The following SRD5A2 variants were observed in gnomAD, a reference collection of about 807,000 sequenced individuals.
SRD5A2 encodes the protein steroid 5 alpha-reductase 2.
Under a neutral mutation model 27.4 loss-of-function variants are expected in SRD5A2, and 30 were observed. The observed-to-expected ratio is 1.10, with a 90% CI of 0.82 to 1.49. The LOEUF is 1.49. SRD5A2 is among the 40% of genes most tolerant of loss of function. The probability of loss-of-function intolerance (pLI) is 0.00; values close to 1 mark genes in which losing one functional copy is unlikely to be tolerated. For synonymous variants in SRD5A2, 141 were observed against 133.6 expected (o/e 1.06, Z -0.38); for missense variants, 348 against 323.4 (o/e 1.08, Z -0.58).
intron 1 of SRD5A2, among the ~76,000 whole-genome samples, chr2:31,568,451 T>C (rs959716709): frequency 6.6e-6 from 1 of 152,144 alleles, no homozygotes; most frequent in African/African-American, 2.4e-5. Context: ...GGCAGTTCCT[T>C]CCCACAGCTG....
chr2:31,577,865 T>A (rs1177888989), intron 1 of SRD5A2, among the ~76,000 whole-genome samples: 1 of 152,162 alleles, frequency 6.6e-6, no homozygotes, highest in Non-Finnish European at 1.5e-5. Flanking sequence ...AGAAAATAGA[T>A]CTAACCTTTG....
At chr2:31,546,063 T>C (rs1666246691) in intron 1 of SRD5A2, among the ~76,000 whole-genome samples, 1 of 152,086 alleles carries the variant, frequency 6.6e-6, no homozygotes, top group Non-Finnish European at 1.5e-5. Flanking sequence ...TAAAGAAGAA[T>C]ATAAAAATGG....
chr2:31,567,456 G>GTGTGTGTA (rs143408801), intron 1 of SRD5A2, among the ~76,000 whole-genome samples: 309 of 140,292 alleles, frequency 2.2e-3, no homozygotes, highest in Admixed American at 4.1e-3. Flanking sequence ...GTGTGTGTGT[G>GTGTGTGTA]TATATATATA....
At chr2:31,608,778 A>G in the SRD5A2 span, among the ~76,000 whole-genome samples, 1 of 152,058 alleles carries the variant, frequency 6.6e-6, no homozygotes, top group Non-Finnish European at 1.5e-5. Context: ...GAAAACTTAA[A>G]TAAGTGAAAA....
At chr2:31,543,360 T>C (rs1003480222) in intron 1 of SRD5A2, among the ~76,000 whole-genome samples, 6 of 152,168 alleles carry the variant, frequency 3.9e-5, no homozygotes, top group Non-Finnish European at 8.8e-5. Flanking sequence ...TATAAAGAAA[T>C]AAAAATATCA....
Position 31,522,961 on chromosome 2 carries a change from C to A in SRD5A2, c.*3235G>T, listed in dbSNP as rs949437158. On this transcript the variant is annotated 3_prime_UTR_variant, in exon 5 of 5. Coordinates refer to ENST00000622030, the MANE Select transcript of SRD5A2 (RefSeq NM_000348.4). ...CACAAAAATCCAAGAGAGCTATTAT[C>A]AAACTTCAGGGTTGTAAAACCACGG... 2 of 221,316 alleles carry A rather than the reference C, an allele frequency of 9.0e-6. No homozygotes were observed. The highest frequency in any genetic ancestry group is 9.0e-6 in the Non-Finnish European group (1 of 110,714). The allele number at this position is 221,316 out of a possible 1,614,324, so 13.7% of individuals were successfully genotyped here. A position where few individuals can be genotyped will look rare whatever the true frequency, so the allele number is the denominator to read the frequency against.
At chr2:31,608,223 GAGAT>G in the SRD5A2 span, among the ~76,000 whole-genome samples, 1 of 151,850 alleles carries the variant, frequency 6.6e-6, no homozygotes, top group African/African-American at 2.4e-5. Context: ...TATATCATAA[GAGAT>G]AGAGAGATGA....
At position 31,525,525 on chromosome 2, in the gene SRD5A2, T is replaced by C. The variant is rs1665758239; in HGVS notation, c.*671A>G. 4.4e-6 allele frequency: 1 copy of C among 225,004 alleles called. No homozygotes were observed. Among genetic ancestry groups the C allele is most frequent in the Non-Finnish European group, 8.9e-6 (1 of 112,936 alleles). The allele number at this position is 225,004 out of a possible 1,614,324, so 13.9% of individuals were successfully genotyped here. A position where few individuals can be genotyped will look rare whatever the true frequency, so the allele number is the denominator to read the frequency against. The stretch of plus-strand genomic sequence containing the variant: ...AATAGCCATACCAGTTTTCCGGGGA[T>C]TGTGAAATCTTCTGGAAAACAGAGG... On this transcript the variant is annotated 3_prime_UTR_variant, in exon 5 of 5. Transcript: ENST00000622030.
intron 1 of SRD5A2, among the ~76,000 whole-genome samples, chr2:31,543,476 C>G (rs976279384): frequency 6.6e-6 from 1 of 151,828 alleles, no homozygotes; most frequent in Non-Finnish European, 1.5e-5. Flanking sequence ...TTTAAAAAAA[C>G]AATTATTAGT....
At chr2:31,631,287 G>A in the SRD5A2 span, among the ~76,000 whole-genome samples, 1 of 152,112 alleles carries the variant, frequency 6.6e-6, no homozygotes, top group Non-Finnish European at 1.5e-5. Context: ...TTTCTTTGTG[G>A]TCAAGAAAGG....
intron 1 of SRD5A2, among the ~76,000 whole-genome samples, chr2:31,568,042 T>G (rs1666771865): frequency 6.6e-6 from 1 of 152,134 alleles, no homozygotes; most frequent in Non-Finnish European, 1.5e-5. Context: ...AAGTGCCGGC[T>G]CCATGTGAGG....
chr2:31,559,480 T>TA (rs1666571214), intron 1 of SRD5A2, among the ~76,000 whole-genome samples: 1 of 152,156 alleles, frequency 6.6e-6, no homozygotes, highest in African/African-American at 2.4e-5. Flanking sequence ...TACTATTCTT[T>TA]AAAAAACCTC....
rs1665698682 is a variant in SRD5A2, at chr2:31,523,263, G to T, written c.*2933C>A. 1 of 216,194 alleles carries T rather than the reference G, an allele frequency of 4.6e-6. No homozygotes were observed. Among genetic ancestry groups the T allele is most frequent in the Admixed American group, 5.8e-5 (1 of 17,180 alleles). The allele number at this position is 216,194 out of a possible 1,614,324, so 13.4% of individuals were successfully genotyped here. On this transcript the variant is annotated 3_prime_UTR_variant, in exon 5 of 5. Coordinates refer to ENST00000622030, the MANE Select transcript of SRD5A2 (RefSeq NM_000348.4). Reference sequence around the variant, plus strand: ...CTGGTGCTCCCACGGAGCGAGGGAAGCCTCACACACAAACAGGCATGGGAC... The same window carrying T: ...CTGGTGCTCCCACGGAGCGAGGGAATCCTCACACACAAACAGGCATGGGAC...
chr2:31,637,115 A>G, the SRD5A2 span, among the ~76,000 whole-genome samples: 1 of 152,076 alleles, frequency 6.6e-6, no homozygotes, highest in South Asian at 2.1e-4. Context: ...CTTTTCTTTG[A>G]TGAGAGATTT....
At chr2:31,624,839 C>CAGT in the SRD5A2 span, among the ~76,000 whole-genome samples, 1 of 151,896 alleles carries the variant, frequency 6.6e-6, no homozygotes, top group East Asian at 1.9e-4. Context: ...TGTGTCTTTA[C>CAGT]AGTAGCATGA....
intron 3 of SRD5A2, 121 bp downstream of exon 3, chr2:31,531,250 C>T: frequency 1.5e-6 from 1 of 665,242 alleles, no homozygotes. Flanking sequence ...AAGTCAAGAG[C>T]AAGCTGAGAG....
At chr2:31,556,640 A>G (rs1666500745) in intron 1 of SRD5A2, among the ~76,000 whole-genome samples, 3 of 152,186 alleles carry the variant, frequency 2.0e-5, no homozygotes, top group Admixed American at 2.0e-4. Context: ...CAGAAGCTGA[A>G]AGAGGAAAGG....
the SRD5A2 span, among the ~76,000 whole-genome samples, chr2:31,602,094 A>C: frequency 6.6e-6 from 1 of 152,086 alleles, no homozygotes; most frequent in African/African-American, 2.4e-5. Context: ...AGTGTATTCA[A>C]ATAGGAAGAG....
chr2:31,607,016 G>C, the SRD5A2 span, among the ~76,000 whole-genome samples: 1 of 151,752 alleles, frequency 6.6e-6, no homozygotes, highest in East Asian at 1.9e-4. Context: ...TTTTAAGATG[G>C]AAATTCTAGA....
Sources: allele counts gnomAD v4.1 joint callset (sites outside exome capture counted in the v4.1 genomes callset), GRCh38; gene constraint gnomAD v4.1.1; transcripts MANE v1.5; gene names NCBI Gene and HGNC (gene_info 2026-07-23, HGNC 2026-07-21).